XKR4: variants seen among roughly 807,000 people sequenced by gnomAD.
XKR4 encodes XK related 4, also known as XK-related protein 4.
XKR4 carries 12 observed loss-of-function variants against 53.9 expected under a neutral mutation model. The observed-to-expected ratio is 0.22, with a 90% CI of 0.14 to 0.36. The LOEUF is 0.36. XKR4 is among the 10% of genes least tolerant of loss of function. The pLI, the probability that XKR4 is intolerant of heterozygous loss-of-function variation, is 1.00. For missense variants in XKR4, 799 were observed against 859.5 expected (o/e 0.93, Z 0.88); for synonymous variants, 354 against 362.4 (o/e 0.98, Z 0.26).
At chr8:55,254,836 AC>A (rs1218328762) in intron 1 of XKR4, among the ~76,000 whole-genome samples, 2 of 152,126 alleles carry the variant, frequency 1.3e-5, no homozygotes, top group Non-Finnish European at 2.9e-5. Flanking sequence ...AAACTTCCTG[AC>A]TACCAAAGAC....
At chr8:55,279,998 A>T (rs1419454957) in intron 1 of XKR4, among the ~76,000 whole-genome samples, 1 of 152,198 alleles carries the variant, frequency 6.6e-6, no homozygotes, top group Non-Finnish European at 1.5e-5. Context: ...CAAATTTCTA[A>T]AGGTAACAAC....
At chr8:55,281,087 C>T (rs1818839428) in intron 1 of XKR4, among the ~76,000 whole-genome samples, 1 of 152,160 alleles carries the variant, frequency 6.6e-6, no homozygotes, top group Admixed American at 6.5e-5. Context: ...ACAATAGACA[C>T]TAATGGAAAA....
At chr8:55,354,343 T>C (rs532823992) in intron 1 of XKR4, among the ~76,000 whole-genome samples, 33 of 152,268 alleles carry the variant, frequency 2.2e-4, no homozygotes, top group Non-Finnish European at 4.3e-4. Context: ...TTTAATCCCA[T>C]TAACTAAGAA....
At chr8:55,352,558 A>T (rs2129383774) in intron 1 of XKR4, among the ~76,000 whole-genome samples, 1 of 152,332 alleles carries the variant, frequency 6.6e-6, no homozygotes, top group Non-Finnish European at 1.5e-5. Flanking sequence ...AAGCAATGGG[A>T]AGAATCCATT....
At chr8:55,430,724 G>A (rs1043538531) in intron 2 of XKR4, among the ~76,000 whole-genome samples, 1 of 152,192 alleles carries the variant, frequency 6.6e-6, no homozygotes, top group Admixed American at 6.5e-5. Flanking sequence ...GAGTGTGGAA[G>A]TCTGAGATGA....
At chr8:55,188,553 G>C (rs2129360699) in intron 1 of XKR4, among the ~76,000 whole-genome samples, 1 of 152,298 alleles carries the variant, frequency 6.6e-6, no homozygotes, top group Non-Finnish European at 1.5e-5. Context: ...TAAGTTTAAA[G>C]ACAGGAACGT....
At chr8:55,448,643 T>C (rs1245848289) in intron 2 of XKR4, among the ~76,000 whole-genome samples, 2 of 152,210 alleles carry the variant, frequency 1.3e-5, no homozygotes, top group Non-Finnish European at 2.9e-5. Flanking sequence ...TTATAATCCT[T>C]GGTTTTCTGG....
chr8:55,116,864 C>G, intron 1 of XKR4, among the ~76,000 whole-genome samples: 1 of 152,078 alleles, frequency 6.6e-6, no homozygotes, highest in Non-Finnish European at 1.5e-5. Context: ...TAGGTGTGGT[C>G]ACCCCACATG....
intron 2 of XKR4, among the ~76,000 whole-genome samples, chr8:55,376,254 A>G (rs1804151082): frequency 6.6e-6 from 1 of 152,076 alleles, no homozygotes; most frequent in Admixed American, 6.5e-5. Flanking sequence ...TAGTAATGGG[A>G]TTGCTGGGTA....
chr8:55,490,729 G>C (rs1193343301), intron 2 of XKR4, among the ~76,000 whole-genome samples: 1 of 151,976 alleles, frequency 6.6e-6, no homozygotes, highest in African/African-American at 2.4e-5. Context: ...TTTTTACTCT[G>C]ACTACTTTTA....
intron 1 of XKR4, among the ~76,000 whole-genome samples, chr8:55,356,594 A>T (rs376413641): frequency 2.0e-5 from 3 of 151,682 alleles, no homozygotes; most frequent in Admixed American, 6.6e-5. Flanking sequence ...AGAAATTACT[A>T]TATTTGTAAA....
At chr8:55,437,556 TC>T (rs1329129450) in intron 2 of XKR4, among the ~76,000 whole-genome samples, 2 of 152,174 alleles carry the variant, frequency 1.3e-5, no homozygotes. Flanking sequence ...CTCACCAGTT[TC>T]CCAAAAATCA....
intron 1 of XKR4, among the ~76,000 whole-genome samples, chr8:55,226,097 G>C (rs994172680): frequency 2.0e-5 from 3 of 152,020 alleles, no homozygotes; most frequent in Non-Finnish European, 2.9e-5. Flanking sequence ...CATTTAAAAA[G>C]AAAAAATCCT....
At chr8:55,467,252 T>TG (rs1484848851) in intron 2 of XKR4, among the ~76,000 whole-genome samples, 1 of 152,260 alleles carries the variant, frequency 6.6e-6, no homozygotes, top group Admixed American at 6.5e-5. Context: ...TGTTCCTGCT[T>TG]GGTGTCACTT....
chr8:55,148,420 A>G (rs1816798506), intron 1 of XKR4, among the ~76,000 whole-genome samples: 1 of 151,998 alleles, frequency 6.6e-6, no homozygotes, highest in Non-Finnish European at 1.5e-5. Flanking sequence ...AAATATATAT[A>G]TATATACCAT....
chr8:55,456,444 A>C (rs1805571541), intron 2 of XKR4, among the ~76,000 whole-genome samples: 1 of 152,176 alleles, frequency 6.6e-6, no homozygotes. Context: ...AAAGAAAAAA[A>C]AGAAGAAAGA....
chr8:55,523,511 A>T lies in XKR4; in HGVS notation c.1237A>T (p.Thr413Ser). 6.2e-7 allele frequency: 1 copy of T among 1,614,106 alleles called. No homozygotes were observed. The highest frequency in any genetic ancestry group is 1.1e-5 in the South Asian group (1 of 91,078). The change falls in exon 3 of 3, where the codon ACC becomes TCC. Residue 413 changes from threonine to serine, a missense_variant. By Grantham distance (58) the Thr-to-Ser change is moderately conservative. Coordinates refer to ENST00000327381, the MANE Select transcript of XKR4 (RefSeq NM_052898.2). ...CATCGTCCTTCACTGGTGCATCATG[A>T]CCTTCTGGATCGTCCACTGTGAGAC... ...IFIVLHWCIM[T>S]FWIVHCETEF...
Position 55,453,048 on chromosome 8 carries a change from C to T in XKR4, c.1007-70233C>T, listed in dbSNP as rs111527620. 2,948 of 610,958 alleles carry T rather than the reference C, an allele frequency of 4.8e-3. 44 individuals carry two copies. Among genetic ancestry groups the T allele is most frequent in the Middle Eastern group, 0.023 (85 of 3,634 alleles). 37.8% of individuals were successfully genotyped at this position (610,958 alleles called of 1,614,324 possible). On this transcript the variant is annotated intron_variant, in intron 2 of 2. Coordinates refer to ENST00000327381, the MANE Select transcript of XKR4 (RefSeq NM_052898.2). ...TCTCATCCTCCTGGGAAGGTGCCTCCCCAACCTCCTGGGCTGGGGCCTGAT... is the reference window on the plus strand; with the variant it reads ...TCTCATCCTCCTGGGAAGGTGCCTCTCCAACCTCCTGGGCTGGGGCCTGAT...
intron 1 of XKR4, among the ~76,000 whole-genome samples, chr8:55,180,165 C>T (rs528736584): frequency 1.7e-4 from 26 of 152,212 alleles, no homozygotes; most frequent in Admixed American, 1.6e-3. Flanking sequence ...ATTCATGAGT[C>T]GGAGGTAGTT....
Sources: allele counts gnomAD v4.1 joint callset (sites outside exome capture counted in the v4.1 genomes callset), GRCh38; gene constraint gnomAD v4.1.1; transcripts MANE v1.5; gene names NCBI Gene and HGNC (gene_info 2026-07-23, HGNC 2026-07-21).